The following RELN variants were observed in gnomAD, a reference collection of about 807,000 sequenced individuals.
RELN encodes reelin.
In RELN, 108 loss-of-function variants were observed where a neutral mutation model predicts 427.6. The ratio of observed to expected loss-of-function variants is 0.25; its 90% CI spans 0.22 to 0.30. The LOEUF is 0.30. Among genes scored for constraint, RELN ranks in the 10% least tolerant of loss-of-function variants. RELN has a pLI of 1.00. For missense variants in RELN, 3,715 were observed against 4,302.8 expected (o/e 0.86, Z 3.82); for synonymous variants, 1,524 against 1,513.4 (o/e 1.01, Z -0.16).
intron 36 of RELN, 80 bp downstream of exon 36, chr7:103,561,452 A>T (rs924886781): frequency 1.4e-4 from 158 of 1,095,980 alleles, no homozygotes; most frequent in Non-Finnish European, 2.2e-4. Flanking sequence ...GAGATTCAGA[A>T]ATCCATTTGT....
intron 20 of RELN, among the ~76,000 whole-genome samples, chr7:103,618,353 C>G (rs1235881721): frequency 1.3e-5 from 2 of 151,660 alleles, no homozygotes; most frequent in African/African-American, 4.8e-5. Flanking sequence ...ATAGCACCAC[C>G]TGTTACTCGT....
chr7:103,802,115 T>C (rs1055555556), intron 3 of RELN, among the ~76,000 whole-genome samples: 1 of 152,102 alleles, frequency 6.6e-6, no homozygotes, highest in African/African-American at 2.4e-5. Flanking sequence ...AGAAGGTTGT[T>C]TGAACATGAA....
intron 3 of RELN, among the ~76,000 whole-genome samples, chr7:103,825,167 C>T (rs375121303): frequency 6.6e-6 from 1 of 151,988 alleles, no homozygotes; most frequent in African/African-American, 2.4e-5. Flanking sequence ...ATATTAGGTA[C>T]ATGACAGTAA....
chr7:103,476,724 C>A, intron 64 of RELN: 1 of 416,144 alleles, frequency 2.4e-6, no homozygotes, highest in East Asian at 6.1e-5. Context: ...ATTGTACCTT[C>A]TAAAATGTCT....
chr7:103,907,850 T>C (rs1417022780), intron 2 of RELN, among the ~76,000 whole-genome samples: 3 of 151,932 alleles, frequency 2.0e-5, no homozygotes, highest in East Asian at 3.9e-4. Flanking sequence ...ATGTGTTACA[T>C]AGGTATATGT....
chr7:103,577,186 A>T (rs970394671), intron 28 of RELN, among the ~76,000 whole-genome samples: 4 of 152,228 alleles, frequency 2.6e-5, no homozygotes, highest in Non-Finnish European at 5.9e-5. Context: ...GTAGATAAAG[A>T]CAGCTCCCTC....
chr7:103,789,840 C>A (rs1294784843), intron 3 of RELN, among the ~76,000 whole-genome samples: 7 of 152,226 alleles, frequency 4.6e-5, no homozygotes, highest in Admixed American at 2.0e-4. Flanking sequence ...TGGGTATATA[C>A]CCAAAGAATT....
chr7:103,481,565 A>C (rs1309395282), intron 63 of RELN, among the ~76,000 whole-genome samples: 2 of 152,162 alleles, frequency 1.3e-5, no homozygotes, highest in African/African-American at 4.8e-5. Context: ...AGCCCCATCC[A>C]AAGGGATGGG....
intron 1 of RELN, among the ~76,000 whole-genome samples, chr7:103,952,168 T>A (rs1479947820): frequency 6.6e-6 from 1 of 152,250 alleles, no homozygotes; most frequent in Non-Finnish European, 1.5e-5. Flanking sequence ...GTAGTTTTGC[T>A]GTCATTCCAT....
At position 103,610,711 on chromosome 7, in the gene RELN, G is replaced by C. The variant is rs201003473; in HGVS notation, c.2992C>G (p.Leu998Val). ...FTQWRRVIVL[L>V]PQKTWSSATR... The stretch of plus-strand genomic sequence containing the variant: ...TCATCTCACCAAGTTTTCTGGGGAA[G>C]AAGCACTATGACTCTCCTCCACTGT... The change falls in exon 22 of 65, where the codon CTT becomes GTT. Residue 998 changes from leucine to valine, a missense_variant. Leu to Val is a conservative substitution (Grantham distance 32, BLOSUM62 1). Coordinates refer to ENST00000428762, the MANE Select transcript of RELN (RefSeq NM_005045.4). The C allele has an allele frequency of 3.6e-5, 57 of 1,579,158 alleles. No individual in the cohort carries two copies. In the East Asian group the frequency reaches 1.3e-3, roughly 35 times the overall value.
At chr7:103,845,102 C>A (rs778695707) in intron 2 of RELN, among the ~76,000 whole-genome samples, 3 of 152,032 alleles carry the variant, frequency 2.0e-5, no homozygotes, top group Non-Finnish European at 4.4e-5. Context: ...GTGATTGCTG[C>A]CATATAGAAA....
intron 4 of RELN, among the ~76,000 whole-genome samples, chr7:103,763,164 A>C (rs1348088405): frequency 5.3e-5 from 8 of 152,238 alleles, no homozygotes; most frequent in African/African-American, 1.9e-4. Context: ...GAGTTTTGTT[A>C]GGCTACTCCT....
intron 1 of RELN, among the ~76,000 whole-genome samples, chr7:103,985,567 A>G (rs1319207266): frequency 3.3e-5 from 5 of 152,162 alleles, no homozygotes; most frequent in Admixed American, 2.0e-4. Context: ...GGGGCATCCA[A>G]GTCTTTCTAT....
chr7:103,529,733 G>A (rs1312615062), intron 46 of RELN, among the ~76,000 whole-genome samples: 1 of 152,108 alleles, frequency 6.6e-6, no homozygotes, highest in Non-Finnish European at 1.5e-5. Flanking sequence ...CAGTGGTTAA[G>A]CTCATGGGCT....
intron 6 of RELN, among the ~76,000 whole-genome samples, chr7:103,739,982 G>A (rs530555678): frequency 1.6e-4 from 24 of 152,268 alleles, no homozygotes; most frequent in South Asian, 4.1e-4. Context: ...GGACAAAGCC[G>A]GGCTGTGTGG....
At chr7:103,889,519 T>C (rs1794798481) in intron 2 of RELN, among the ~76,000 whole-genome samples, 2 of 152,182 alleles carry the variant, frequency 1.3e-5, no homozygotes, top group South Asian at 4.1e-4. Context: ...AGCGTAAGGC[T>C]ACCAGAGGGA....
intron 2 of RELN, among the ~76,000 whole-genome samples, chr7:103,849,066 G>A (rs2116457354): frequency 6.6e-6 from 1 of 152,302 alleles, no homozygotes; most frequent in East Asian, 1.9e-4. Context: ...ATGTGACAGT[G>A]CTGTCTGACC....
At chr7:103,849,904 C>CA (rs1563050168) in intron 2 of RELN, among the ~76,000 whole-genome samples, 1 of 152,146 alleles carries the variant, frequency 6.6e-6, no homozygotes, top group African/African-American at 2.4e-5. Context: ...TCTGTTATGG[C>CA]AAAACTCCTA....
chr7:103,758,331 C>A (rs552177863), intron 4 of RELN, among the ~76,000 whole-genome samples: 1 of 151,842 alleles, frequency 6.6e-6, no homozygotes, highest in Non-Finnish European at 1.5e-5. Context: ...TAATTAAGAC[C>A]ACAGATAAAA....
Sources: gnomAD v4.1 joint callset for allele counts (sites outside exome capture counted in the v4.1 genomes callset) on GRCh38, gnomAD v4.1.1 for gene constraint, MANE v1.5 for transcripts, NCBI Gene and HGNC (gene_info 2026-07-23, HGNC 2026-07-21) for gene names.